The following AMN1 variants were observed in gnomAD, a reference collection of about 807,000 sequenced individuals.
The protein encoded by AMN1 is protein AMN1 homolog.
Under a neutral mutation model 33.0 loss-of-function variants are expected in AMN1, and 20 were observed. The ratio of observed to expected loss-of-function variants is 0.61; its 90% CI spans 0.43 to 0.88. The LOEUF (loss-of-function observed/expected upper bound fraction) is 0.88. AMN1 is among the 40% of genes least tolerant of loss of function. The pLI, the probability that AMN1 is intolerant of heterozygous loss-of-function variation, is 0.00. For synonymous variants in AMN1, 114 were observed against 111.9 expected (o/e 1.02, Z -0.12); for missense variants, 246 against 307.4 (o/e 0.80, Z 1.49).
Position 31,676,544 on chromosome 12 carries a change from G to C in AMN1, c.704-4167C>G, listed in dbSNP as rs560331348. Among the ~76,000 whole-genome samples, 35 of 150,150 alleles carry C rather than the reference G, an allele frequency of 2.3e-4. No homozygotes were observed. The South Asian group carries it at 7.2e-3, about 31-fold the overall frequency. ...TCACCATGTTAGCCAGGATGGTCTC[G>C]ATCTCCTGACCTCGTGATCTGCCCG... On this transcript the variant is annotated intron_variant, in intron 6 of 6. Coordinates refer to ENST00000281471, the MANE Select transcript of AMN1 (RefSeq NM_001113402.2).
At chr12:31,727,208 C>T (rs918888207) in intron 1 of AMN1, among the ~76,000 whole-genome samples, 2 of 152,166 alleles carry the variant, frequency 1.3e-5, no homozygotes, top group Non-Finnish European at 2.9e-5. Context: ...TCTCCCATTC[C>T]AGCTCCATGC....
At chr12:31,702,381 T>C (rs1939045634) in intron 2 of AMN1, among the ~76,000 whole-genome samples, 1 of 152,234 alleles carries the variant, frequency 6.6e-6, no homozygotes, top group Non-Finnish European at 1.5e-5. Flanking sequence ...GTATGAGTCT[T>C]TAATCACTTG....
intron 6 of AMN1, among the ~76,000 whole-genome samples, chr12:31,675,125 A>C (rs539536321): frequency 6.7e-6 from 1 of 149,430 alleles, no homozygotes; most frequent in East Asian, 1.9e-4. Context: ...GTCTATGAAA[A>C]ACCCATAGAT....
Position 31,697,767 on chromosome 12 carries a change from C to A in AMN1, c.507G>T (p.Leu169Phe). 1 of 1,613,904 alleles carries A rather than the reference C, an allele frequency of 6.2e-7. No individual in the cohort carries two copies. The highest frequency in any genetic ancestry group is 8.5e-7 in the Non-Finnish European group (1 of 1,179,850). Residue 169 changes from leucine to phenylalanine, a missense_variant, in exon 4 of 7, where the codon TTG becomes TTT. Leu to Phe is a conservative substitution (Grantham distance 22). Transcript: ENST00000281471. The part of the protein sequence containing the change: ...LHALGKNCPF[L>F]QCVDFSATQV... ...GAGTAGCTGAAAAGTCGACACACTG[C>A]AAAAATGGGCAGTTTTTTCCTAATG...
In AMN1 at chr12:31,709,346, G is replaced by A. The variant is rs776540263; in HGVS notation, c.118C>T (p.Leu40=). Residue 40 remains leucine (L), a synonymous_variant, in exon 2 of 7, where the codon CTG becomes TTG. Coordinates refer to ENST00000281471, the MANE Select transcript of AMN1 (RefSeq NM_001113402.2). ...KPLPPNIKDR[L]IKIMSMQGQI... ...CCCTGCATACTCATTATTTTAATCA[G>A]TCTGTCTTTTATGTTGGGAGGCAAA... 3.8e-5 allele frequency: 62 copies of A among 1,613,638 alleles called. 2 individuals carry two copies. The South Asian group carries it at 6.7e-4, about 17-fold the overall frequency.
intron 6 of AMN1, among the ~76,000 whole-genome samples, chr12:31,680,861 T>G (rs1937979179): frequency 1.3e-5 from 2 of 152,134 alleles, no homozygotes. Context: ...ATAAGAGGAA[T>G]CATGTTATAT....
chr12:31,688,888 CATT>C (rs1408510640), intron 6 of AMN1, 116 bp downstream of exon 6: 7 of 565,046 alleles, frequency 1.2e-5, no homozygotes, highest in Non-Finnish European at 2.2e-5. Context: ...TAGGTACTCT[CATT>C]ATGCCTGTTT....
chr12:31,716,158 A>G (rs1248422108), intron 1 of AMN1, among the ~76,000 whole-genome samples: 1 of 152,136 alleles, frequency 6.6e-6, no homozygotes, highest in African/African-American at 2.4e-5. Flanking sequence ...ATTTATCTGT[A>G]TCGTTACATG....
intron 3 of AMN1, among the ~76,000 whole-genome samples, chr12:31,698,534 T>G (rs1276912334): frequency 1.3e-5 from 2 of 152,162 alleles, no homozygotes; most frequent in Non-Finnish European, 2.9e-5. Flanking sequence ...AAAAGAGAAG[T>G]CTTTAAATCC....
intron 2 of AMN1, among the ~76,000 whole-genome samples, chr12:31,703,110 T>C (rs779842710): frequency 1.3e-5 from 2 of 152,158 alleles, no homozygotes; most frequent in East Asian, 3.8e-4. Context: ...CCCCAAGGGA[T>C]TGGTCATTGC....
chr12:31,714,955 G>A, intron 1 of AMN1: 3 of 970,126 alleles, frequency 3.1e-6, no homozygotes, highest in Non-Finnish European at 1.2e-6. Context: ...GTAGCATCTG[G>A]TAAAATTAGG....
chr12:31,685,138 C>T (rs1938200920), intron 6 of AMN1, among the ~76,000 whole-genome samples: 2 of 151,420 alleles, frequency 1.3e-5, no homozygotes, highest in African/African-American at 4.9e-5. Context: ...AAGCTATTCT[C>T]CTGCCTCAGC....
chr12:31,713,546 C>T (rs576337844), intron 1 of AMN1, among the ~76,000 whole-genome samples: 3 of 152,232 alleles, frequency 2.0e-5, no homozygotes, highest in South Asian at 4.1e-4. Flanking sequence ...AGACATAAAA[C>T]ATTTCTGATT....
chr12:31,696,280 G>GTATTTATTTATTTATT lies in AMN1; in HGVS notation c.591+1080_591+1081insAATAAATAAATAAATA, dbSNP rs1555187227. 4.2e-3 allele frequency among the ~76,000 whole-genome samples: 630 copies of GTATTTATTTATTTATT among 150,074 alleles called. 13 individuals carry two copies. The East Asian group carries it at 0.07, about 17-fold the overall frequency. Reference sequence around the variant, plus strand: ...AATTAATTAAAATTAAAATAAAAAAGTATTTATTTATTTAAGATATAAGTT... The same window carrying GTATTTATTTATTTATT: ...AATTAATTAAAATTAAAATAAAAAAGTATTTATTTATTTATTTATTTATTTATTTAAGATATAAGTT... On this transcript the variant is annotated intron_variant, in intron 5 of 6. Coordinates refer to ENST00000281471, the MANE Select transcript of AMN1 (RefSeq NM_001113402.2).
intron 6 of AMN1, among the ~76,000 whole-genome samples, chr12:31,686,896 C>T (rs1938286778): frequency 6.6e-6 from 1 of 152,200 alleles, no homozygotes; most frequent in Admixed American, 6.5e-5. Flanking sequence ...AAATAATCCA[C>T]ATGATATAAA....
chr12:31,698,960 C>G (rs993998014), intron 3 of AMN1, among the ~76,000 whole-genome samples: 12 of 152,036 alleles, frequency 7.9e-5, no homozygotes, highest in Admixed American at 7.2e-4. Context: ...CATGTGACCC[C>G]TAGATAGCCT....
At chr12:31,714,822 T>C (rs1939607310) in intron 1 of AMN1, 1 of 703,472 alleles carries the variant, frequency 1.4e-6, no homozygotes, top group South Asian at 6.4e-5. Context: ...GTTATTTCCA[T>C]TGACCTAAAA....
chr12:31,694,725 G>A (rs1489703900), intron 5 of AMN1, among the ~76,000 whole-genome samples: 2 of 152,132 alleles, frequency 1.3e-5, no homozygotes, highest in African/African-American at 2.4e-5. Context: ...CACCCTGGGT[G>A]ACAGAACAAG....
At chr12:31,718,830 G>C (rs1488164890) in intron 1 of AMN1, among the ~76,000 whole-genome samples, 1 of 152,246 alleles carries the variant, frequency 6.6e-6, no homozygotes, top group African/African-American at 2.4e-5. Context: ...GCTCCGCCCA[G>C]TGTGAGCTTC....
Sources: allele counts gnomAD v4.1 joint callset (sites outside exome capture counted in the v4.1 genomes callset), GRCh38; gene constraint gnomAD v4.1.1; transcripts MANE v1.5; gene names NCBI Gene and HGNC (gene_info 2026-07-23, HGNC 2026-07-21).